The following TMEM132D variants were observed in gnomAD, a reference collection of about 807,000 sequenced individuals.
The protein encoded by TMEM132D is transmembrane protein 132D.
TMEM132D carries 21 observed loss-of-function variants against 62.3 expected under a neutral mutation model. The ratio of observed to expected loss-of-function variants is 0.34; its 90% CI spans 0.24 to 0.49. The LOEUF is 0.49. Ranked by LOEUF, TMEM132D falls within the 20% of genes least tolerant of loss-of-function variation. TMEM132D has a pLI of 0.99. For missense variants in TMEM132D, 1,346 were observed against 1,402.8 expected (o/e 0.96, Z 0.65); for synonymous variants, 621 against 575.6 (o/e 1.08, Z -1.13).
At position 129,609,091 on chromosome 12, in the gene TMEM132D, C is replaced by A. The variant is rs1016565502; in HGVS notation, c.969-77886G>T. On this transcript the variant is annotated intron_variant, in intron 2 of 8. Coordinates refer to ENST00000422113, the MANE Select transcript of TMEM132D (RefSeq NM_133448.3). Reference sequence around the variant, plus strand: ...GAGTAGCTGCAATTGCAGGTGCCCACCAACACGCCCAGATAATTTTTTTTT... The same window carrying A: ...GAGTAGCTGCAATTGCAGGTGCCCAACAACACGCCCAGATAATTTTTTTTT... Among the ~76,000 whole-genome samples, 13 of 152,140 alleles carry A rather than the reference C, an allele frequency of 8.5e-5. No homozygotes were observed. In the East Asian group the frequency reaches 2.5e-3, roughly 30 times the overall value.
chr12:129,124,020 T>C (rs1008158612), intron 5 of TMEM132D, among the ~76,000 whole-genome samples: 2 of 152,210 alleles, frequency 1.3e-5, no homozygotes, highest in Non-Finnish European at 2.9e-5. Flanking sequence ...AGCCAATTCC[T>C]ATAATAAATC....
At chr12:129,486,620 G>T (rs78252942) in intron 3 of TMEM132D, among the ~76,000 whole-genome samples, 1,908 of 152,254 alleles carry the variant, frequency 0.013, 35 homozygotes, top group African/African-American at 0.044. Context: ...TGTGTCCAGG[G>T]ATCATACACC....
chr12:129,431,379 G>A (rs1872650198), intron 3 of TMEM132D, among the ~76,000 whole-genome samples: 1 of 152,110 alleles, frequency 6.6e-6, no homozygotes, highest in South Asian at 2.1e-4. Flanking sequence ...CTCTCACAGG[G>A]GATTTATGGC....
At chr12:129,164,250 A>G (rs1189296258) in intron 5 of TMEM132D, among the ~76,000 whole-genome samples, 3 of 152,252 alleles carry the variant, frequency 2.0e-5, no homozygotes, top group Non-Finnish European at 2.9e-5. Flanking sequence ...GGAACGTGAC[A>G]GCCTTTCCTC....
At chr12:129,682,078 A>G (rs996473498) in intron 2 of TMEM132D, among the ~76,000 whole-genome samples, 1 of 152,216 alleles carries the variant, frequency 6.6e-6, no homozygotes, top group African/African-American at 2.4e-5. Flanking sequence ...AGCTTTGACC[A>G]TGGTCCTCTT....
chr12:129,331,739 A>G (rs957727895), intron 4 of TMEM132D, among the ~76,000 whole-genome samples: 1 of 152,228 alleles, frequency 6.6e-6, no homozygotes, highest in Non-Finnish European at 1.5e-5. Context: ...AAAAATTGAT[A>G]AAGTATATAC....
At chr12:129,392,393 GAAC>G (rs1483535216) in intron 3 of TMEM132D, among the ~76,000 whole-genome samples, 1 of 152,172 alleles carries the variant, frequency 6.6e-6, no homozygotes, top group African/African-American at 2.4e-5. Context: ...CCAGCTGACT[GAAC>G]AACAAGACTG....
chr12:129,728,754 G>T (rs543797386), intron 1 of TMEM132D, among the ~76,000 whole-genome samples: 3 of 152,300 alleles, frequency 2.0e-5, no homozygotes, highest in African/African-American at 7.2e-5. Flanking sequence ...CGAAGAGGGA[G>T]AAACGCAGCC....
chr12:129,308,884 G>T (rs2135633348), intron 4 of TMEM132D, among the ~76,000 whole-genome samples: 1 of 152,298 alleles, frequency 6.6e-6, no homozygotes, highest in South Asian at 2.1e-4. Flanking sequence ...GATGGATATT[G>T]ATCAACTTAC....
Position 129,897,888 on chromosome 12 carries a change from G to A in TMEM132D, c.79+5373C>T, listed in dbSNP as rs141982410. On this transcript the variant is annotated intron_variant, in intron 1 of 8. Coordinates refer to ENST00000422113, the MANE Select transcript of TMEM132D (RefSeq NM_133448.3). ...ATGTAACAATTCTGCCTGACAAACC[G>A]CCTGGTTTTTAGTTATTCCATATAA... Among the ~76,000 whole-genome samples, 544 of 152,240 alleles carry A rather than the reference G, an allele frequency of 3.6e-3. 2 individuals are homozygous for A. Among genetic ancestry groups the A allele is most frequent in the Non-Finnish European group, 4.2e-3 (288 of 68,022 alleles).
chr12:129,298,986 C>T (rs1881642323), intron 4 of TMEM132D, among the ~76,000 whole-genome samples: 2 of 152,218 alleles, frequency 1.3e-5, no homozygotes, highest in Admixed American at 1.3e-4. Flanking sequence ...CTATTAAGAA[C>T]TTTGATGTCA....
chr12:129,206,819 A>G (rs1878861302), intron 5 of TMEM132D, among the ~76,000 whole-genome samples: 1 of 152,198 alleles, frequency 6.6e-6, no homozygotes, highest in Admixed American at 6.5e-5. Context: ...GGATGGAGCT[A>G]GAGGCCATTA....
chr12:129,669,299 G>T (rs1474764878), intron 2 of TMEM132D, among the ~76,000 whole-genome samples: 2 of 152,188 alleles, frequency 1.3e-5, no homozygotes, highest in African/African-American at 2.4e-5. Context: ...AAAGACTTTA[G>T]TACACCGTTG....
In TMEM132D at chr12:129,073,853, C is replaced by G. The variant is rs1593250462; in HGVS notation, c.*22G>C. 2 of 1,513,938 alleles carry G rather than the reference C, an allele frequency of 1.3e-6. No homozygotes were observed. Among genetic ancestry groups the G allele is most frequent in the Non-Finnish European group, 1.8e-6 (2 of 1,130,858 alleles). 93.8% of individuals were successfully genotyped at this position (1,513,938 alleles called of 1,614,324 possible). Reference sequence around the variant, plus strand: ...TTAAAGGCTGAAAGGTGAGTGAGAACCAATGTCTGTGTGTGTCTGGCTTAC... The same window carrying G: ...TTAAAGGCTGAAAGGTGAGTGAGAAGCAATGTCTGTGTGTGTCTGGCTTAC... On this transcript the variant is annotated 3_prime_UTR_variant, in exon 9 of 9. Transcript: ENST00000422113.
At chr12:129,234,031 T>C (rs1335401202) in intron 4 of TMEM132D, among the ~76,000 whole-genome samples, 4 of 152,206 alleles carry the variant, frequency 2.6e-5, no homozygotes, top group Admixed American at 6.5e-5. Context: ...TTTCATTTTC[T>C]CAACCATTGA....
At chr12:129,078,836 C>T in intron 7 of TMEM132D, 111 bp from the exon 8 acceptor site, 2 of 1,091,942 alleles carry the variant, frequency 1.8e-6, no homozygotes, top group African/African-American at 1.5e-5. Context: ...ACATGTGAGC[C>T]AGAATGAATG....
rs577914570 is a variant in TMEM132D, at chr12:129,566,786, A to C, written c.969-35581T>G. Among the ~76,000 whole-genome samples, 43 of 152,280 alleles carry C rather than the reference A, an allele frequency of 2.8e-4. 1 individual carries two copies. The South Asian group carries it at 8.1e-3, about 29-fold the overall frequency. The stretch of plus-strand genomic sequence containing the variant: ...AAAACATTTATAATCTATTTACCTA[A>C]GCCTCTAGGATTCATCTGTCTAGTA... On this transcript the variant is annotated intron_variant, in intron 2 of 8. Coordinates refer to ENST00000422113, the MANE Select transcript of TMEM132D (RefSeq NM_133448.3).
At chr12:129,276,781 T>A (rs1414361898) in intron 4 of TMEM132D, among the ~76,000 whole-genome samples, 1 of 152,252 alleles carries the variant, frequency 6.6e-6, no homozygotes, top group Non-Finnish European at 1.5e-5. Context: ...TAAAGTATAA[T>A]GACATGCAAT....
rs574441362 is a variant in TMEM132D, at chr12:129,895,025, A to G, written c.79+8236T>C. 3.3e-5 allele frequency among the ~76,000 whole-genome samples: 5 copies of G among 152,126 alleles called. 1 individual carries two copies. Among genetic ancestry groups the G allele is most frequent in the African/African-American group, 1.2e-4 (5 of 41,496 alleles). On this transcript the variant is annotated intron_variant, in intron 1 of 8. Transcript: ENST00000422113. ...TGCTCTTCTGAGGTTTGCGCGAAGG[A>G]GCTCATCTGTTTGGACAGCCACCTC...
Sources: allele counts gnomAD v4.1 joint callset (sites outside exome capture counted in the v4.1 genomes callset), GRCh38; gene constraint gnomAD v4.1.1; transcripts MANE v1.5; gene names NCBI Gene and HGNC (gene_info 2026-07-23, HGNC 2026-07-21).